CTIF: variants seen among roughly 807,000 people sequenced by gnomAD.
CTIF encodes cap binding complex dependent translation initiation factor.
A neutral mutation model predicts 66.0 loss-of-function variants in CTIF; 21 were observed. The ratio of observed to expected loss-of-function variants is 0.32; its 90% CI spans 0.23 to 0.46. CTIF has a LOEUF of 0.46. Among genes scored for constraint, CTIF ranks in the 20% least tolerant of loss-of-function variants. The probability of loss-of-function intolerance (pLI) is 1.00; values close to 1 mark genes in which losing one functional copy is unlikely to be tolerated. For synonymous variants in CTIF, 345 were observed against 326.4 expected (o/e 1.06, Z -0.62); for missense variants, 739 against 812.7 (o/e 0.91, Z 1.10).
intron 3 of CTIF, among the ~76,000 whole-genome samples, chr18:48,641,831 A>G (rs1239451856): frequency 6.6e-6 from 1 of 152,178 alleles, no homozygotes; most frequent in African/African-American, 2.4e-5. Flanking sequence ...ATCCCCTGAT[A>G]CCTTTGCCAA....
intron 1 of CTIF, among the ~76,000 whole-genome samples, chr18:48,564,551 A>C (rs1014843497): frequency 6.6e-6 from 1 of 152,092 alleles, no homozygotes; most frequent in African/African-American, 2.4e-5. Context: ...GTTTGGGGAG[A>C]TATTTTGGAA....
intron 3 of CTIF, among the ~76,000 whole-genome samples, chr18:48,637,292 A>G (rs2090841847): frequency 6.6e-6 from 1 of 152,154 alleles, no homozygotes; most frequent in South Asian, 2.1e-4. Context: ...CTGGGAGGGA[A>G]GGGAGGCAGC....
intron 1 of CTIF, among the ~76,000 whole-genome samples, chr18:48,617,864 G>A (rs910240688): frequency 0.13 from 5 of 38 alleles, no homozygotes; most frequent in African/African-American, 0.33. Context: ...AGGTTGCTGA[G>A]CTCAGGGGGC....
At chr18:48,615,818 G>A (rs2090389241) in intron 1 of CTIF, among the ~76,000 whole-genome samples, 3 of 152,138 alleles carry the variant, frequency 2.0e-5, no homozygotes, top group Admixed American at 6.5e-5. Context: ...TACCCCATGT[G>A]AATCTGGCTG....
chr18:48,848,732 C>T (rs2069133431), intron 10 of CTIF, among the ~76,000 whole-genome samples: 1 of 152,250 alleles, frequency 6.6e-6, no homozygotes, highest in South Asian at 2.1e-4. Context: ...GCCCGTGGCC[C>T]TTCCCCCAGG....
chr18:48,559,362 C>A (rs533850049), intron 1 of CTIF, among the ~76,000 whole-genome samples: 71 of 152,186 alleles, frequency 4.7e-4, no homozygotes, highest in African/African-American at 1.6e-3. Flanking sequence ...TACCACCCCC[C>A]CCAATCCTAA....
intron 10 of CTIF, among the ~76,000 whole-genome samples, chr18:48,847,306 CAAAA>C (rs34326780): frequency 2.5e-4 from 21 of 83,852 alleles, no homozygotes; most frequent in African/African-American, 7.2e-4. Context: ...GACTCCGTCT[CAAAA>C]AAAAAAAAAA....
chr18:48,759,565 C>G (rs1908752811), intron 8 of CTIF, among the ~76,000 whole-genome samples: 1 of 152,206 alleles, frequency 6.6e-6, no homozygotes. Context: ...GCTGAGCAGG[C>G]TCAGACCTCA....
chr18:48,651,152 C>T (rs1028077824), intron 3 of CTIF, among the ~76,000 whole-genome samples: 4 of 152,136 alleles, frequency 2.6e-5, no homozygotes, highest in African/African-American at 9.7e-5. Context: ...CAATATTAAC[C>T]TTGAATGTAA....
chr18:48,729,141 G>A (rs145506189), intron 7 of CTIF, among the ~76,000 whole-genome samples: 1 of 152,224 alleles, frequency 6.6e-6, no homozygotes, highest in Non-Finnish European at 1.5e-5. Flanking sequence ...CAGTGAAGAC[G>A]CTTCCTGCCT....
chr18:48,580,394 C>T (rs913972390), intron 1 of CTIF, among the ~76,000 whole-genome samples: 4 of 152,072 alleles, frequency 2.6e-5, no homozygotes, highest in Admixed American at 2.0e-4. Context: ...CTAGATACTG[C>T]GCATTAGAAT....
At chr18:48,584,844 T>C (rs948690987) in intron 1 of CTIF, among the ~76,000 whole-genome samples, 2 of 152,256 alleles carry the variant, frequency 1.3e-5, no homozygotes, top group African/African-American at 4.8e-5. Flanking sequence ...TATCAGTACT[T>C]TACTGAAGCA....
intron 1 of CTIF, among the ~76,000 whole-genome samples, chr18:48,604,473 C>T (rs111702179): frequency 5.4e-4 from 82 of 152,182 alleles, no homozygotes; most frequent in African/African-American, 1.8e-3. Context: ...CCCCTGCGCC[C>T]GGCGTTTTAA....
At chr18:48,609,130 C>T (rs1012151396) in intron 1 of CTIF, among the ~76,000 whole-genome samples, 3 of 152,200 alleles carry the variant, frequency 2.0e-5, no homozygotes, top group Non-Finnish European at 4.4e-5. Flanking sequence ...CTGTGAGTTC[C>T]TGCAGGTTGG....
chr18:48,554,070 T>C (rs1452239222), intron 1 of CTIF, among the ~76,000 whole-genome samples: 1 of 152,194 alleles, frequency 6.6e-6, no homozygotes, highest in Non-Finnish European at 1.5e-5. Context: ...GAAGAGGCTG[T>C]GCACACCCAG....
intron 10 of CTIF, among the ~76,000 whole-genome samples, chr18:48,840,134 G>A (rs1411276243): frequency 6.6e-6 from 1 of 152,170 alleles, no homozygotes; most frequent in Non-Finnish European, 1.5e-5. Context: ...TGTTCTTAAG[G>A]GATCTGGTCA....
intron 7 of CTIF, among the ~76,000 whole-genome samples, chr18:48,743,337 T>A (rs1045308438): frequency 1.3e-5 from 2 of 152,206 alleles, no homozygotes; most frequent in African/African-American, 4.8e-5. Context: ...AACTCTCGGG[T>A]CTCAGCATTT....
chr18:48,797,501 G>GC (rs1568227402), intron 9 of CTIF, among the ~76,000 whole-genome samples: 2 of 148,954 alleles, frequency 1.3e-5, no homozygotes, highest in Non-Finnish European at 3.0e-5. Flanking sequence ...AAGGGGTGGG[G>GC]GGGCAAGTTT....
At chr18:48,675,223 G>T (rs2091606909) in intron 6 of CTIF, among the ~76,000 whole-genome samples, 1 of 152,194 alleles carries the variant, frequency 6.6e-6, no homozygotes, top group Non-Finnish European at 1.5e-5. Context: ...CCATCCACAA[G>T]GCTGGTGTCC....
Sources: gnomAD v4.1 joint callset for allele counts (sites outside exome capture counted in the v4.1 genomes callset) on GRCh38, gnomAD v4.1.1 for gene constraint, MANE v1.5 for transcripts, NCBI Gene and HGNC (gene_info 2026-07-23, HGNC 2026-07-21) for gene names.